Variants in PCGF6 observed in about 807,000 individuals in gnomAD.
PCGF6 encodes the protein polycomb group RING finger protein 6.
A neutral mutation model predicts 45.5 loss-of-function variants in PCGF6; 24 were observed. That is an observed-to-expected ratio of 0.53 (90% CI 0.38 to 0.74). PCGF6 has a LOEUF of 0.74. Ranked by LOEUF, PCGF6 falls within the 30% of genes least tolerant of loss-of-function variation. The pLI is 0.00. For synonymous variants in PCGF6, 152 were observed against 162.1 expected (o/e 0.94, Z 0.47); for missense variants, 356 against 443.2 (o/e 0.80, Z 1.77).
Position 103,351,047 on chromosome 10 carries a change from A to AC in PCGF6, c.19dup (p.Val7GlyfsTer36), listed in dbSNP as rs2093319806. On this transcript the variant is annotated frameshift_variant, in exon 1 of 10. Transcript: ENST00000369847. LOFTEE classifies it high-confidence loss of function. ...GGCAGCGCCTACGCTGCCCGCCGTCACCACCGCGACCCCCTCCATGGTCGG... is the reference window on the plus strand; with the variant it reads ...GGCAGCGCCTACGCTGCCCGCCGTCACCCACCGCGACCCCCTCCATGGTCGG... 7.2e-7 allele frequency: 1 copy of AC among 1,388,306 alleles called. No individual in the cohort carries two copies. Among genetic ancestry groups the AC allele is most frequent in the African/African-American group, 1.5e-5 (1 of 66,682 alleles). 86.0% of individuals were successfully genotyped at this position (1,388,306 alleles called of 1,614,324 possible).
intron 9 of PCGF6, among the ~76,000 whole-genome samples, chr10:103,308,814 A>G (rs1160918914): frequency 6.6e-6 from 1 of 152,034 alleles, no homozygotes; most frequent in Non-Finnish European, 1.5e-5. Flanking sequence ...CAGAGGTTGC[A>G]GTGAGCCTAT....
At chr10:103,326,123 C>T (rs768269986) in intron 8 of PCGF6, among the ~76,000 whole-genome samples, 3 of 152,006 alleles carry the variant, frequency 2.0e-5, no homozygotes, top group East Asian at 3.9e-4. Flanking sequence ...AATGTCCAGG[C>T]GCGGTGGCTC....
chr10:103,318,775 G>C lies in PCGF6; in HGVS notation c.910-4503C>G, dbSNP rs117254468. Reference sequence around the variant, plus strand: ...AAAAAGAAAAAAGAAAAAAAAAGTTGGTTTTGTTGGCACTCGCTGTCTAAC... The same window carrying C: ...AAAAAGAAAAAAGAAAAAAAAAGTTCGTTTTGTTGGCACTCGCTGTCTAAC... On this transcript the variant is annotated intron_variant, in intron 8 of 9. Transcript: ENST00000369847. Among the ~76,000 whole-genome samples, 28 of 152,006 alleles carry C rather than the reference G, an allele frequency of 1.8e-4. 1 individual carries two copies. The East Asian group carries it at 5.4e-3, about 29-fold the overall frequency.
chr10:103,304,140 C>CTTTTTT (rs34732054), intron 9 of PCGF6, among the ~76,000 whole-genome samples, 179 bp from the exon 10 acceptor site: 1 of 142,742 alleles, frequency 7.0e-6, no homozygotes, highest in Non-Finnish European at 1.5e-5. Context: ...TGTGAATGTG[C>CTTTTTT]TTTTTTTTTT....
intron 6 of PCGF6, among the ~76,000 whole-genome samples, chr10:103,338,063 C>CAAAAAAA (rs35839501): frequency 7.4e-5 from 2 of 26,850 alleles, no homozygotes; most frequent in African/African-American, 2.9e-4. Flanking sequence ...GACTCCGTCT[C>CAAAAAAA]AAAAAAAAAA....
intron 8 of PCGF6, among the ~76,000 whole-genome samples, chr10:103,316,635 G>A (rs1001467190): frequency 4.6e-5 from 7 of 152,044 alleles, no homozygotes; most frequent in Admixed American, 1.3e-4. Context: ...TCGGCAAACC[G>A]TTTCTGCAAA....
intron 7 of PCGF6, among the ~76,000 whole-genome samples, chr10:103,331,028 G>A (rs1007801604): frequency 6.6e-6 from 1 of 152,050 alleles, no homozygotes; most frequent in Non-Finnish European, 1.5e-5. Flanking sequence ...TGCTCCTGTG[G>A]ATTTTCTTGT....
chr10:103,347,250 C>G lies in PCGF6; in HGVS notation c.661G>C (p.Val221Leu), dbSNP rs748743394. ...HDFYKERGLE[V>L]PKPAVPQPVP... ...CACCCAAACTTACCAGGTTTAGGTA[C>G]TTCTAGACCTCTTTCTTTATAGAAA... Residue 221 changes from valine (V) to leucine (L), a missense_variant, in exon 5 of 10, where the codon GTA becomes CTA. This residue lies in a region of PCGF6 where 307 missense variants were observed against 350.1 expected (regional missense o/e 0.88). Transcript: ENST00000369847. 2.9e-5 allele frequency: 47 copies of G among 1,606,494 alleles called. No homozygotes were observed. Among genetic ancestry groups the G allele is most frequent in the Non-Finnish European group, 3.7e-5 (43 of 1,173,512 alleles).
chr10:103,347,136 A>G, intron 5 of PCGF6, 102 bp downstream of exon 5: 1 of 853,260 alleles, frequency 1.2e-6, no homozygotes, highest in Non-Finnish European at 1.9e-6. Context: ...AATCTCTCTG[A>G]TCATATAATA....
chr10:103,314,059 TATA>T (rs1388396849), intron 9 of PCGF6, 124 bp downstream of exon 9: 1 of 402,674 alleles, frequency 2.5e-6, no homozygotes, highest in African/African-American at 2.1e-5. Context: ...AAATATTAAA[TATA>T]ATTATTATTT....
chr10:103,338,141 T>A (rs2093264768), intron 6 of PCGF6, among the ~76,000 whole-genome samples: 1 of 151,494 alleles, frequency 6.6e-6, no homozygotes. Flanking sequence ...CCCGGGAGGC[T>A]GAGACAGGAG....
intron 8 of PCGF6, among the ~76,000 whole-genome samples, chr10:103,315,181 A>G (rs1330608381): frequency 1.3e-5 from 2 of 152,020 alleles, no homozygotes; most frequent in African/African-American, 4.8e-5. Context: ...GCAAAGCTCC[A>G]AGATATATCT....
intron 8 of PCGF6, among the ~76,000 whole-genome samples, chr10:103,323,061 G>A (rs1193614994): frequency 6.6e-6 from 1 of 151,978 alleles, no homozygotes; most frequent in African/African-American, 2.4e-5. Context: ...AGGCTGTTAT[G>A]GGATCACTCA....
intron 6 of PCGF6, among the ~76,000 whole-genome samples, chr10:103,335,197 G>T (rs571658909): frequency 6.7e-6 from 1 of 150,162 alleles, no homozygotes; most frequent in Non-Finnish European, 1.5e-5. Flanking sequence ...ACAGATATGT[G>T]CCACCATGCA....
At chr10:103,323,148 TA>T (rs2093203986) in intron 8 of PCGF6, among the ~76,000 whole-genome samples, 4 of 152,178 alleles carry the variant, frequency 2.6e-5, no homozygotes, top group Admixed American at 2.6e-4. Flanking sequence ...GTGCTGTGGC[TA>T]CAAGGTAAAA....
At chr10:103,327,088 A>C (rs960428883) in intron 7 of PCGF6, among the ~76,000 whole-genome samples, 1 of 152,178 alleles carries the variant, frequency 6.6e-6, no homozygotes, top group Non-Finnish European at 1.5e-5. Context: ...GGAGTTCGAG[A>C]CCAGCCTGAC....
chr10:103,342,336 T>G (rs1194518795), intron 6 of PCGF6, among the ~76,000 whole-genome samples: 1 of 151,572 alleles, frequency 6.6e-6, no homozygotes, highest in East Asian at 1.9e-4. Context: ...CAGGTTCAAG[T>G]AATTCTCCCG....
chr10:103,319,392 G>A (rs1022989478), intron 8 of PCGF6, among the ~76,000 whole-genome samples: 5 of 151,584 alleles, frequency 3.3e-5, no homozygotes, highest in Non-Finnish European at 7.4e-5. Context: ...ACCTTGTGAT[G>A]TGCCCGCCTC....
At chr10:103,336,366 CTG>C (rs1454919631) in intron 6 of PCGF6, among the ~76,000 whole-genome samples, 1 of 151,224 alleles carries the variant, frequency 6.6e-6, no homozygotes, top group Non-Finnish European at 1.5e-5. Context: ...TAAATGTAAA[CTG>C]TAAATCCGTA....
Sources: gnomAD v4.1 joint callset for allele counts (sites outside exome capture counted in the v4.1 genomes callset) on GRCh38, gnomAD v4.1.1 for gene constraint, gnomAD v4.1.1 regional missense constraint, MANE v1.5 for transcripts, NCBI Gene and HGNC (gene_info 2026-07-23, HGNC 2026-07-21) for gene names.